The following DRC11 variants were observed in gnomAD, a reference collection of about 807,000 sequenced individuals.
The protein encoded by DRC11 is IQ and AAA domain-containing protein 1.
chr2:236,421,816 C>T, the DRC11 span, among the ~76,000 whole-genome samples: 1 of 152,200 alleles, frequency 6.6e-6, no homozygotes, highest in African/African-American at 2.4e-5. Context: ...CAATAAAATA[C>T]TGGCAAAACA....
At chr2:236,498,770 T>C in the DRC11 span, among the ~76,000 whole-genome samples, 11 of 152,160 alleles carry the variant, frequency 7.2e-5, no homozygotes, top group African/African-American at 2.7e-4. Flanking sequence ...CTGGTCCCTT[T>C]ATTAGGCCCT....
chr2:236,477,640 AT>A, the DRC11 span, among the ~76,000 whole-genome samples: 1 of 152,060 alleles, frequency 6.6e-6, no homozygotes, highest in Non-Finnish European at 1.5e-5. Context: ...GTTTGATGGA[AT>A]TTGGTAGGGA....
the DRC11 span, among the ~76,000 whole-genome samples, chr2:236,320,822 CCCTCCGCCGGTA>C: frequency 7.2e-6 from 1 of 139,846 alleles, no homozygotes; most frequent in Non-Finnish European, 1.7e-5. Context: ...CTCCGCCGGT[CCCTCCGCCGGTA>C]CCCCCCCGCC....
At chr2:236,507,373 T>C in the DRC11 span, 1 of 1,199,648 alleles carries the variant, frequency 8.3e-7, no homozygotes, top group Non-Finnish European at 1.2e-6. Context: ...CTACAGAGGA[T>C]TTGGGTGGGG....
the DRC11 span, among the ~76,000 whole-genome samples, chr2:236,354,329 G>C: frequency 8.7e-5 from 8 of 92,142 alleles, 1 homozygote; most frequent in East Asian, 1.8e-3. Flanking sequence ...GTGTGTGAGT[G>C]TATTAGTGTG....
the DRC11 span, among the ~76,000 whole-genome samples, chr2:236,399,987 G>A: frequency 6.6e-6 from 1 of 152,096 alleles, no homozygotes; most frequent in Non-Finnish European, 1.5e-5. The surrounding 1 kb of genome is among the most constrained non-coding windows in gnomAD (Gnocchi z 7.0). Flanking sequence ...ACAGTGTTGG[G>A]ATTATAGGCC....
chr2:236,506,449 A>G, the DRC11 span, among the ~76,000 whole-genome samples: 1 of 152,084 alleles, frequency 6.6e-6, no homozygotes, highest in African/African-American at 2.4e-5. The surrounding 1 kb of genome is among the most constrained non-coding windows in gnomAD (Gnocchi z 4.9). Context: ...GATCTTCCCC[A>G]TTTCCAAACC....
At chr2:236,453,371 A>G in the DRC11 span, among the ~76,000 whole-genome samples, 1 of 152,244 alleles carries the variant, frequency 6.6e-6, no homozygotes, top group Admixed American at 6.5e-5. This position sits in a 1 kb window ranked among gnomAD's most constrained non-coding sequence, Gnocchi z 4.9. Context: ...ATGAATATCT[A>G]TCATATTTAT....
chr2:236,429,607 G>A, the DRC11 span, among the ~76,000 whole-genome samples: 1 of 152,156 alleles, frequency 6.6e-6, no homozygotes, highest in African/African-American at 2.4e-5. This position sits in a 1 kb window ranked among gnomAD's most constrained non-coding sequence, Gnocchi z 5.9. Context: ...TTTCTGGCAT[G>A]CATGCAGTAG....
the DRC11 span, among the ~76,000 whole-genome samples, chr2:236,462,177 A>G: frequency 6.6e-6 from 1 of 152,130 alleles, no homozygotes; most frequent in Non-Finnish European, 1.5e-5. This position sits in a 1 kb window ranked among gnomAD's most constrained non-coding sequence, Gnocchi z 6.4. Flanking sequence ...GACCTGCTGG[A>G]TAGGCCCCTG....
At chr2:236,332,987 C>T in the DRC11 span, 1 of 152,330 alleles carries the variant, frequency 6.6e-6, no homozygotes, top group East Asian at 1.9e-4. The surrounding 1 kb of genome is among the most constrained non-coding windows in gnomAD (Gnocchi z 5.1). Flanking sequence ...CCCTGATCTA[C>T]TCTGCTCCTG....
At chr2:236,338,646 C>T in the DRC11 span, among the ~76,000 whole-genome samples, 1 of 152,186 alleles carries the variant, frequency 6.6e-6, no homozygotes, top group South Asian at 2.1e-4. Context: ...CACCTTGGCC[C>T]TAGGAATGGG....
At chr2:236,493,912 G>C in the DRC11 span, 2 of 1,561,706 alleles carry the variant, frequency 1.3e-6, no homozygotes, top group Non-Finnish European at 8.7e-7. Flanking sequence ...GAATAAAAAA[G>C]AGTATTTCCG....
At chr2:236,413,229 C>T in the DRC11 span, among the ~76,000 whole-genome samples, 1 of 152,206 alleles carries the variant, frequency 6.6e-6, no homozygotes, top group Non-Finnish European at 1.5e-5. The surrounding 1 kb of genome is among the most constrained non-coding windows in gnomAD (Gnocchi z 4.0). Flanking sequence ...AGTCCACACA[C>T]CTTTTCCCCA....
At chr2:236,416,506 G>A in the DRC11 span, among the ~76,000 whole-genome samples, 1 of 151,446 alleles carries the variant, frequency 6.6e-6, no homozygotes, top group Non-Finnish European at 1.5e-5. Context: ...GAGCAGTAAG[G>A]GGTCTCTTCT....
the DRC11 span, among the ~76,000 whole-genome samples, chr2:236,357,855 T>TATAA: frequency 8.0e-6 from 1 of 125,018 alleles, no homozygotes; most frequent in Non-Finnish European, 1.6e-5. Flanking sequence ...AATATATAAA[T>TATAA]ATATACTATA....
the DRC11 span, among the ~76,000 whole-genome samples, chr2:236,390,088 CTAT>C: frequency 6.6e-6 from 1 of 152,112 alleles, no homozygotes; most frequent in South Asian, 2.1e-4. This position sits in a 1 kb window ranked among gnomAD's most constrained non-coding sequence, Gnocchi z 5.9. Context: ...AGTTCTCCTA[CTAT>C]TATTGTATTG....
At chr2:236,448,788 G>A in the DRC11 span, among the ~76,000 whole-genome samples, 3 of 151,992 alleles carry the variant, frequency 2.0e-5, no homozygotes, top group African/African-American at 7.3e-5. The surrounding 1 kb of genome is among the most constrained non-coding windows in gnomAD (Gnocchi z 5.3). Context: ...ACTGTTGTAA[G>A]TGGGGGAGCC....
the DRC11 span, among the ~76,000 whole-genome samples, chr2:236,491,979 C>T: frequency 2.3e-4 from 35 of 152,272 alleles, no homozygotes; most frequent in African/African-American, 6.7e-4. Flanking sequence ...TGAATTAATA[C>T]TGTTATCGGG....
Sources: gnomAD v4.1 joint callset for allele counts (sites outside exome capture counted in the v4.1 genomes callset) on GRCh38, gnomAD v4.1.1 for gene constraint, Gnocchi (gnomAD v3.1) non-coding constraint, MANE v1.5 for transcripts, NCBI Gene and HGNC (gene_info 2026-07-23, HGNC 2026-07-21) for gene names.